The following FAM43A variants were observed in gnomAD, a reference collection of about 807,000 sequenced individuals.
The protein encoded by FAM43A is family with sequence similarity 43 member A, also known as protein FAM43A.
In FAM43A, 11 loss-of-function variants were observed where a neutral mutation model predicts 15.7. That is an observed-to-expected ratio of 0.70 (90% CI 0.44 to 1.16). The LOEUF is 1.16. Ranked by LOEUF, FAM43A falls within the 50% of genes most tolerant of loss-of-function variation. The pLI is 0.00. For synonymous variants in FAM43A, 319 were observed against 291.7 expected (o/e 1.09, Z -0.96); for missense variants, 573 against 620.0 (o/e 0.92, Z 0.80).
Position 194,688,187 on chromosome 3 carries a change from G to C in FAM43A, c.*89G>C. The C allele has an allele frequency of 8.1e-7, 1 of 1,237,314 alleles. No homozygotes were observed. The highest frequency in any genetic ancestry group is 1.0e-6 in the Non-Finnish European group (1 of 977,414). The allele number at this position is 1,237,314 out of a possible 1,614,324, so 76.6% of individuals were successfully genotyped here. A position where few individuals can be genotyped will look rare whatever the true frequency, so the allele number is the denominator to read the frequency against. On this transcript the variant is annotated 3_prime_UTR_variant, in exon 1 of 1. Coordinates refer to ENST00000329759, the MANE Select transcript of FAM43A (RefSeq NM_153690.5). ...GTCCCTTGCCCGCCCCCAGGAAGGG[G>C]GAAATGGGGCATTTGGGGCCCAGAC...
chr3:194,686,783 TCCGCCGCCG>T lies in FAM43A; in HGVS notation c.-35_-27del. 1 of 1,382,398 alleles carries T rather than the reference TCCGCCGCCG, an allele frequency of 7.2e-7. No homozygotes were observed. Among genetic ancestry groups the T allele is most frequent in the Non-Finnish European group, 9.3e-7 (1 of 1,080,234 alleles). The allele number at this position is 1,382,398 out of a possible 1,614,324, so 85.6% of individuals were successfully genotyped here. A position where few individuals can be genotyped will look rare whatever the true frequency, so the allele number is the denominator to read the frequency against. Reference sequence around the variant, plus strand: ...GCTCAGCGGGCCTCGCACCCGGCGCTCCGCCGCCGCCGCCGCCCAGCTGCGCCGGGGCGC... The same window carrying T: ...GCTCAGCGGGCCTCGCACCCGGCGCTCCGCCGCCCAGCTGCGCCGGGGCGC... On this transcript the variant is annotated 5_prime_UTR_variant, in exon 1 of 1. Coordinates refer to ENST00000329759, the MANE Select transcript of FAM43A (RefSeq NM_153690.5).
chr3:194,686,639 C>T lies in FAM43A; in HGVS notation c.-188C>T. Reference sequence around the variant, plus strand: ...TCTTTTTTAGAGAATTTACCCGCACCTCCTGCGGGGTTCCTAAGCACTCTC... The same window carrying T: ...TCTTTTTTAGAGAATTTACCCGCACTTCCTGCGGGGTTCCTAAGCACTCTC... On this transcript the variant is annotated 5_prime_UTR_variant, in exon 1 of 1. Transcript: ENST00000329759. 2.2e-6 allele frequency: 1 copy of T among 457,420 alleles called. No individual in the cohort carries two copies. Among genetic ancestry groups the T allele is most frequent in the South Asian group, 8.0e-5 (1 of 12,430 alleles). 28.3% of individuals were successfully genotyped at this position (457,420 alleles called of 1,614,324 possible).
At position 194,686,775 on chromosome 3, in the gene FAM43A, C is replaced by T; in HGVS notation, c.-52C>T. 3.6e-6 allele frequency: 5 copies of T among 1,370,248 alleles called. No homozygotes were observed. The highest frequency in any genetic ancestry group is 1.9e-6 in the Non-Finnish European group (2 of 1,073,328). 84.9% of individuals were successfully genotyped at this position (1,370,248 alleles called of 1,614,324 possible). A position where few individuals can be genotyped will look rare whatever the true frequency, so the allele number is the denominator to read the frequency against. On this transcript the variant is annotated 5_prime_UTR_variant, in exon 1 of 1. Coordinates refer to ENST00000329759, the MANE Select transcript of FAM43A (RefSeq NM_153690.5). ...GGCCGGTGGCTCAGCGGGCCTCGCACCCGGCGCTCCGCCGCCGCCGCCGCC... is the reference window on the plus strand; with the variant it reads ...GGCCGGTGGCTCAGCGGGCCTCGCATCCGGCGCTCCGCCGCCGCCGCCGCC...
At position 194,686,506 on chromosome 3, in the gene FAM43A, G is replaced by T; in HGVS notation, c.-321G>T. On this transcript the variant is annotated 5_prime_UTR_variant, in exon 1 of 1. Transcript: ENST00000329759. ...CGTTCTTTCTCCCTTGCATTTTGTTGCTTGCCTGAGACTCTTTGCTCTCGC... is the reference window on the plus strand; with the variant it reads ...CGTTCTTTCTCCCTTGCATTTTGTTTCTTGCCTGAGACTCTTTGCTCTCGC... 3.9e-6 allele frequency: 1 copy of T among 256,610 alleles called. No individual in the cohort carries two copies. Among genetic ancestry groups the T allele is most frequent in the Non-Finnish European group, 7.3e-6 (1 of 136,224 alleles). 15.9% of individuals were successfully genotyped at this position (256,610 alleles called of 1,614,324 possible). A position where few individuals can be genotyped will look rare whatever the true frequency, so the allele number is the denominator to read the frequency against.
rs1463315094 is a variant in FAM43A, at chr3:194,686,349, G to GT, written c.-476dup. Among the ~76,000 whole-genome samples, 1 of 152,216 alleles carries GT rather than the reference G, an allele frequency of 6.6e-6. No homozygotes were observed. Among genetic ancestry groups the GT allele is most frequent in the Non-Finnish European group, 1.5e-5 (1 of 68,030 alleles). The stretch of plus-strand genomic sequence containing the variant: ...GGCCCCAGTCCTGAGGGTTGTGTGT[G>GT]TTAGGGGACCCACCTCACGTTCGCC... On this transcript the variant is annotated 5_prime_UTR_variant, in exon 1 of 1. Coordinates refer to ENST00000329759, the MANE Select transcript of FAM43A (RefSeq NM_153690.5).
chr3:194,688,128 G>T lies in FAM43A; in HGVS notation c.*30G>T. The stretch of plus-strand genomic sequence containing the variant: ...CTCCGCGCGTCGCCGGCGCTCCACC[G>T]TGGCTACCCATCCGTGGTCCCGACA... On this transcript the variant is annotated 3_prime_UTR_variant, in exon 1 of 1. Coordinates refer to ENST00000329759, the MANE Select transcript of FAM43A (RefSeq NM_153690.5). 1 of 1,318,064 alleles carries T rather than the reference G, an allele frequency of 7.6e-7. No individual in the cohort carries two copies. The highest frequency in any genetic ancestry group is 9.7e-7 in the Non-Finnish European group (1 of 1,027,802). 81.6% of individuals were successfully genotyped at this position (1,318,064 alleles called of 1,614,324 possible).
chr3:194,686,689 T>G lies in FAM43A; in HGVS notation c.-138T>G. The G allele has an allele frequency of 1.2e-6, 1 of 864,598 alleles. No individual in the cohort carries two copies. The highest frequency in any genetic ancestry group is 1.6e-6 in the Non-Finnish European group (1 of 642,774). The allele number at this position is 864,598 out of a possible 1,614,324, so 53.6% of individuals were successfully genotyped here. On this transcript the variant is annotated 5_prime_UTR_variant, in exon 1 of 1. Transcript: ENST00000329759. ...CTCTGCTCCCCTCCCCCCAACTCCCTACCACAGGGCCGCTCCCAGTAGTTT... is the reference window on the plus strand; with the variant it reads ...CTCTGCTCCCCTCCCCCCAACTCCCGACCACAGGGCCGCTCCCAGTAGTTT...
chr3:194,687,496 G>C lies in FAM43A; in HGVS notation c.670G>C (p.Val224Leu). 1 of 1,543,632 alleles carries C rather than the reference G, an allele frequency of 6.5e-7. No individual in the cohort carries two copies. Among genetic ancestry groups the C allele is most frequent in the South Asian group, 1.2e-5 (1 of 83,980 alleles). The change falls in exon 1 of 1, where the codon GTG becomes CTG. Residue 224 changes from valine to leucine, a missense_variant. Coordinates refer to ENST00000329759, the MANE Select transcript of FAM43A (RefSeq NM_153690.5). ...ELVGAHTIPL[V>L]PLRKLLLHGP... ...GGTGGGCGCACACACCATCCCGCTA[G>C]TGCCGCTGCGCAAGCTGCTCCTACA... is the stretch of plus-strand genomic sequence containing the variant.
At position 194,686,662 on chromosome 3, in the gene FAM43A, C is replaced by A; in HGVS notation, c.-165C>A. The stretch of plus-strand genomic sequence containing the variant: ...ACCTCCTGCGGGGTTCCTAAGCACT[C>A]TCTCTGCTCCCCTCCCCCCAACTCC... On this transcript the variant is annotated 5_prime_UTR_variant, in exon 1 of 1. Coordinates refer to ENST00000329759, the MANE Select transcript of FAM43A (RefSeq NM_153690.5). 1 of 567,048 alleles carries A rather than the reference C, an allele frequency of 1.8e-6. No homozygotes were observed. The highest frequency in any genetic ancestry group is 2.7e-6 in the Non-Finnish European group (1 of 376,778). The allele number at this position is 567,048 out of a possible 1,614,324, so 35.1% of individuals were successfully genotyped here. A position where few individuals can be genotyped will look rare whatever the true frequency, so the allele number is the denominator to read the frequency against.
rs953637594 is a variant in FAM43A at position 194,687,756 on chromosome 3, C to T, written c.930C>T (p.Cys310=). Residue 310 remains cysteine (C), a synonymous_variant, in exon 1 of 1, where the codon TGC becomes TGT. Coordinates refer to ENST00000329759, the MANE Select transcript of FAM43A (RefSeq NM_153690.5). ...RALVVAMHFE[C]GDLLDTLENG... is the part of the protein sequence containing the mutation. Reference sequence around the variant, plus strand: ...TAGTGGTCGCCATGCACTTTGAGTGCGGGGACTTGTTGGATACTCTGGAGA... The same window carrying T: ...TAGTGGTCGCCATGCACTTTGAGTGTGGGGACTTGTTGGATACTCTGGAGA... 4.5e-6 allele frequency: 7 copies of T among 1,539,508 alleles called. No homozygotes were observed. Among genetic ancestry groups the T allele is most frequent in the Non-Finnish European group, 6.1e-6 (7 of 1,139,766 alleles).
Position 194,688,206 on chromosome 3 carries a change from C to A in FAM43A, c.*108C>A. The A allele has an allele frequency of 1.7e-6, 2 of 1,178,584 alleles. No individual in the cohort carries two copies. Among genetic ancestry groups the A allele is most frequent in the Non-Finnish European group, 2.2e-6 (2 of 924,114 alleles). The allele number at this position is 1,178,584 out of a possible 1,614,324, so 73.0% of individuals were successfully genotyped here. On this transcript the variant is annotated 3_prime_UTR_variant, in exon 1 of 1. Coordinates refer to ENST00000329759, the MANE Select transcript of FAM43A (RefSeq NM_153690.5). ...GAAGGGGGAAATGGGGCATTTGGGG[C>A]CCAGACCTACACTTGGAGCCCAGGT... is the stretch of plus-strand genomic sequence containing the variant.
chr3:194,686,070 C>A lies in FAM43A; in HGVS notation c.-757C>A, dbSNP rs1231285485. The stretch of plus-strand genomic sequence containing the variant: ...CTGTTCTCGGAGCCCAGCGCCGTCT[C>A]GGCCAGGCCAGCCCGGACACTGAGC... On this transcript the variant is annotated 5_prime_UTR_variant, in exon 1 of 1. Coordinates refer to ENST00000329759, the MANE Select transcript of FAM43A (RefSeq NM_153690.5). Among the ~76,000 whole-genome samples the A allele has an allele frequency of 2.0e-5, 3 of 152,244 alleles. No individual in the cohort carries two copies. The highest frequency in any genetic ancestry group is 2.9e-5 in the Non-Finnish European group (2 of 68,042).
At position 194,686,347 on chromosome 3, in the gene FAM43A, G is replaced by A. The variant is rs761440150; in HGVS notation, c.-480G>A. Reference sequence around the variant, plus strand: ...TTGGCCCCAGTCCTGAGGGTTGTGTGTGTTAGGGGACCCACCTCACGTTCG... The same window carrying A: ...TTGGCCCCAGTCCTGAGGGTTGTGTATGTTAGGGGACCCACCTCACGTTCG... On this transcript the variant is annotated 5_prime_UTR_variant, in exon 1 of 1. In the 5' UTR this introduces an upstream ATG that the reference lacks. Transcript: ENST00000329759. 7.2e-5 allele frequency among the ~76,000 whole-genome samples: 11 copies of A among 152,212 alleles called. No individual in the cohort carries two copies. The highest frequency in any genetic ancestry group is 2.1e-4 in the South Asian group (1 of 4,832).
rs957156217 is a variant in FAM43A, at chr3:194,686,334, C to T, written c.-493C>T. On this transcript the variant is annotated 5_prime_UTR_variant, in exon 1 of 1. Coordinates refer to ENST00000329759, the MANE Select transcript of FAM43A (RefSeq NM_153690.5). Reference sequence around the variant, plus strand: ...GTTTCCGCGGGTTTTGGCCCCAGTCCTGAGGGTTGTGTGTGTTAGGGGACC... The same window carrying T: ...GTTTCCGCGGGTTTTGGCCCCAGTCTTGAGGGTTGTGTGTGTTAGGGGACC... 6.6e-6 allele frequency among the ~76,000 whole-genome samples: 1 copy of T among 152,212 alleles called. No individual in the cohort carries two copies. The highest frequency in any genetic ancestry group is 2.4e-5 in the African/African-American group (1 of 41,468).
Position 194,686,588 on chromosome 3 carries a change from T to G in FAM43A, c.-239T>G, listed in dbSNP as rs528879509. 2 of 370,518 alleles carry G rather than the reference T, an allele frequency of 5.4e-6. No homozygotes were observed. Among genetic ancestry groups the G allele is most frequent in the East Asian group, 4.4e-5 (1 of 22,678 alleles). 23.0% of individuals were successfully genotyped at this position (370,518 alleles called of 1,614,324 possible). ...CGCGTGTCTCCCCCGCACCAACCTT[T>G]TTTGCACACTCGAAGCTGAATATTT... On this transcript the variant is annotated 5_prime_UTR_variant, in exon 1 of 1. Coordinates refer to ENST00000329759, the MANE Select transcript of FAM43A (RefSeq NM_153690.5).
chr3:194,686,729 G>A lies in FAM43A; in HGVS notation c.-98G>A. 1 of 1,229,494 alleles carries A rather than the reference G, an allele frequency of 8.1e-7. No individual in the cohort carries two copies. Among genetic ancestry groups the A allele is most frequent in the Non-Finnish European group, 1.0e-6 (1 of 966,338 alleles). 76.2% of individuals were successfully genotyped at this position (1,229,494 alleles called of 1,614,324 possible). The stretch of plus-strand genomic sequence containing the variant: ...CCCAGTAGTTTTATTCTTCGATCTT[G>A]CCCGGGCCGAGCCTGGCAGGGGCCG... On this transcript the variant is annotated 5_prime_UTR_variant, in exon 1 of 1. Transcript: ENST00000329759.
Position 194,687,492 on chromosome 3 carries a change from G to T in FAM43A, c.666G>T (p.Pro222=), listed in dbSNP as rs748069915. Residue 222 remains proline, a synonymous_variant, in exon 1 of 1, where the codon CCG becomes CCT. Transcript: ENST00000329759. ...QQELVGAHTI[P]LVPLRKLLLH... ...AGCTGGTGGGCGCACACACCATCCC[G>T]CTAGTGCCGCTGCGCAAGCTGCTCC... 1.3e-6 allele frequency: 2 copies of T among 1,541,842 alleles called. No individual in the cohort carries two copies. The highest frequency in any genetic ancestry group is 4.9e-5 in the East Asian group (2 of 41,028).
chr3:194,686,801 C>T lies in FAM43A; in HGVS notation c.-26C>T. 2 of 1,468,808 alleles carry T rather than the reference C, an allele frequency of 1.4e-6. No individual in the cohort carries two copies. The highest frequency in any genetic ancestry group is 2.7e-5 in the East Asian group (1 of 36,472). The allele number at this position is 1,468,808 out of a possible 1,614,324, so 91.0% of individuals were successfully genotyped here. ...CCGGCGCTCCGCCGCCGCCGCCGCC[C>T]AGCTGCGCCGGGGCGCCCTCCGGAG... On this transcript the variant is annotated 5_prime_UTR_variant, in exon 1 of 1. Transcript: ENST00000329759.
chr3:194,687,872 T>A lies in FAM43A; in HGVS notation c.1046T>A (p.Met349Lys), dbSNP rs777326075. 2.7e-6 allele frequency: 4 copies of A among 1,467,036 alleles called. No individual in the cohort carries two copies. The highest frequency in any genetic ancestry group is 3.6e-6 in the Non-Finnish European group (4 of 1,108,886). The allele number at this position is 1,467,036 out of a possible 1,614,324, so 90.9% of individuals were successfully genotyped here. ...PPLLLGSASD[M>K]KAELSQLISD... ...CTGCTGCTGGGCAGCGCCTCCGACA[T>A]GAAGGCTGAGCTGTCGCAACTTATT... is the stretch of plus-strand genomic sequence containing the variant. The change falls in exon 1 of 1, where the codon ATG (methionine) becomes AAG (lysine). Residue 349 changes from methionine to lysine, a missense_variant. Met to Lys is a moderately conservative substitution (Grantham distance 95). Coordinates refer to ENST00000329759, the MANE Select transcript of FAM43A (RefSeq NM_153690.5).
Sources: gnomAD v4.1 joint callset for allele counts (sites outside exome capture counted in the v4.1 genomes callset) on GRCh38, gnomAD v4.1.1 for gene constraint, MANE v1.5 for transcripts, NCBI Gene and HGNC (gene_info 2026-07-23, HGNC 2026-07-21) for gene names.